The following TTLL5 variants were observed in gnomAD, a reference collection of about 807,000 sequenced individuals.
TTLL5 encodes tubulin tyrosine ligase like 5.
In TTLL5, 132 loss-of-function variants were observed where a neutral mutation model predicts 168.4. The observed-to-expected ratio is 0.78, with a 90% confidence interval of 0.68 to 0.91. The LOEUF is 0.91. Among genes scored for constraint, TTLL5 ranks in the 40% least tolerant of loss-of-function variants. TTLL5 has a pLI of 0.00. For synonymous variants in TTLL5, 546 were observed against 558.6 expected (o/e 0.98, Z 0.32); for missense variants, 1,545 against 1,581.5 (o/e 0.98, Z 0.39).
chr14:75,690,322 A>G lies in TTLL5; in HGVS notation c.502A>G (p.Asn168Asp), dbSNP rs780521114. 4 of 1,605,198 alleles carry G rather than the reference A, an allele frequency of 2.5e-6. No individual in the cohort carries two copies. Among genetic ancestry groups the G allele is most frequent in the Non-Finnish European group, 3.4e-6 (4 of 1,176,936 alleles). The change falls in exon 6 of 32, where the codon AAT (asparagine) becomes GAT (aspartate). Residue 168 changes from asparagine (N) to aspartate (D), a missense_variant and splice_region_variant. By Grantham distance (23) the Asn-to-Asp change is conservative. Transcript: ENST00000298832. ...LLPAEYAEFC[N>D]SYSKDRGPWI... ...GCCAGCTGAGTACGCGGAATTTTGT[A>G]GTAAGTGCTTGACAGAGAATGCCCC...
chr14:75,861,779 T>C (rs1220539964), intron 28 of TTLL5, among the ~76,000 whole-genome samples: 1 of 152,116 alleles, frequency 6.6e-6, no homozygotes, highest in Non-Finnish European at 1.5e-5. Flanking sequence ...TAACCAAAAG[T>C]GTTAAGGAGA....
chr14:75,707,517 T>A (rs1005224), intron 8 of TTLL5, 106 bp from the exon 9 acceptor site: 556,320 of 856,848 alleles, frequency 0.65, 185,211 homozygotes, highest in Non-Finnish European at 0.69. Context: ...TCATGTGGAG[T>A]GTAGGAATGT....
At chr14:75,811,847 C>T (rs1313425121) in intron 27 of TTLL5, among the ~76,000 whole-genome samples, 5 of 152,186 alleles carry the variant, frequency 3.3e-5, no homozygotes, top group African/African-American at 9.7e-5. Context: ...GAAGCTCCAT[C>T]ATATTTTAAT....
rs114353281 is a variant in TTLL5, at chr14:75,941,691, T to G, written c.3824-12733T>G. ...CTGTATTCTTTTTTTCTGAGACAGGTTCTTGCTGTGTTGCCCAGGCTGGTC... is the reference window on the plus strand; with the variant it reads ...CTGTATTCTTTTTTTCTGAGACAGGGTCTTGCTGTGTTGCCCAGGCTGGTC... On this transcript the variant is annotated intron_variant, in intron 31 of 31. Coordinates refer to ENST00000298832, the MANE Select transcript of TTLL5 (RefSeq NM_015072.5). 5.6e-3 allele frequency among the ~76,000 whole-genome samples: 845 copies of G among 152,146 alleles called. 14 individuals carry two copies. Among genetic ancestry groups the G allele is most frequent in the South Asian group, 0.027 (129 of 4,816 alleles).
chr14:75,851,496 G>GCTCACATCCAGTGCCTGAAC (rs1382973229), intron 28 of TTLL5, among the ~76,000 whole-genome samples: 14 of 152,304 alleles, frequency 9.2e-5, no homozygotes, highest in African/African-American at 3.1e-4. Context: ...ATTCGTCAGT[G>GCTCACATCCAGTGCCTGAAC]CTCACATCCA....
intron 28 of TTLL5, among the ~76,000 whole-genome samples, chr14:75,836,414 G>T (rs1216601346): frequency 6.7e-6 from 1 of 150,082 alleles, no homozygotes; most frequent in Admixed American, 6.7e-5. Context: ...GGGGTTAGGG[G>T]TGACAGGGGG....
chr14:75,782,488 T>A lies in TTLL5; in HGVS notation c.2517T>A (p.Asp839Glu). The A allele has an allele frequency of 6.2e-7, 1 of 1,610,718 alleles. No homozygotes were observed. The highest frequency in any genetic ancestry group is 8.5e-7 in the Non-Finnish European group (1 of 1,178,422). ...CAAGCTCATTATTTCTTATTTCAGA[T>A]CACCCTGAGACTATAATGGAAGAAG... ...NNYSDSGAKGDHPETIMEEVK... is the reference protein window; with the variant it reads ...NNYSDSGAKGEHPETIMEEVK... The change falls in exon 25 of 32, where the codon GAT (aspartate) becomes GAA (glutamate). Residue 839 changes from aspartate (D) to glutamate (E), a missense_variant and splice_region_variant. By Grantham distance (45) the Asp-to-Glu change is conservative. Transcript: ENST00000298832.
chr14:75,939,679 A>G (rs2034539274), intron 31 of TTLL5, among the ~76,000 whole-genome samples: 2 of 152,148 alleles, frequency 1.3e-5, no homozygotes, highest in South Asian at 2.1e-4. Flanking sequence ...ATGAGCCACC[A>G]TGCCCAGCTG....
intron 28 of TTLL5, among the ~76,000 whole-genome samples, chr14:75,857,996 G>A (rs1319426738): frequency 3.9e-5 from 6 of 151,974 alleles, no homozygotes; most frequent in Non-Finnish European, 7.4e-5. Flanking sequence ...TTCCTTCTAT[G>A]TAAGAAAATA....
chr14:75,793,325 G>A (rs2140352524), intron 27 of TTLL5, among the ~76,000 whole-genome samples: 1 of 152,256 alleles, frequency 6.6e-6, no homozygotes, highest in African/African-American at 2.4e-5. Flanking sequence ...TACTGGATAT[G>A]ATGTACCTAT....
intron 12 of TTLL5, among the ~76,000 whole-genome samples, chr14:75,727,126 T>C (rs994176573): frequency 5.9e-5 from 9 of 152,138 alleles, no homozygotes; most frequent in Non-Finnish European, 1.2e-4. Context: ...ATGACTAAGG[T>C]GGTAAGAGGT....
chr14:75,774,540 A>ATTT (rs1364336363), intron 21 of TTLL5, among the ~76,000 whole-genome samples: 1 of 152,000 alleles, frequency 6.6e-6, no homozygotes, highest in Non-Finnish European at 1.5e-5. Flanking sequence ...TACTCTCTTT[A>ATTT]TTGAAACTGT....
chr14:75,683,596 A>T lies in TTLL5; in HGVS notation c.311A>T (p.His104Leu), dbSNP rs1884796366. 1.9e-6 allele frequency: 3 copies of T among 1,613,988 alleles called. No individual in the cohort carries two copies. The highest frequency in any genetic ancestry group is 2.5e-6 in the Non-Finnish European group (3 of 1,179,934). Residue 104 changes from histidine to leucine, a missense_variant, in exon 5 of 32, where the codon CAC (histidine) becomes CTC (leucine). By Grantham distance (99) the His-to-Leu change is moderately conservative. Transcript: ENST00000298832. ...TDYNLMWTGS[H>L]LKPFLLRTLS... The stretch of plus-strand genomic sequence containing the variant: ...TATAACCTAATGTGGACAGGATCCC[A>T]CCTGAAGCCCTTCTTACTGCGCACC...
intron 27 of TTLL5, among the ~76,000 whole-genome samples, chr14:75,809,083 C>T (rs968468325): frequency 5.3e-5 from 8 of 151,930 alleles, no homozygotes; most frequent in Non-Finnish European, 5.9e-5. Context: ...ACAAATTTAT[C>T]CTTTTATCAG....
chr14:75,825,713 A>G (rs1473500968), intron 28 of TTLL5, among the ~76,000 whole-genome samples: 1 of 152,018 alleles, frequency 6.6e-6, no homozygotes, highest in African/African-American at 2.4e-5. Context: ...TAGAAGTGAT[A>G]TTTCACTCCT....
At chr14:75,866,174 T>C (rs941817667) in intron 29 of TTLL5, among the ~76,000 whole-genome samples, 4 of 152,242 alleles carry the variant, frequency 2.6e-5, no homozygotes, top group African/African-American at 9.6e-5. Flanking sequence ...GTACTTAGAA[T>C]CATTCCACAG....
chr14:75,697,908 T>C (rs1298887378), intron 6 of TTLL5, among the ~76,000 whole-genome samples: 1 of 152,148 alleles, frequency 6.6e-6, no homozygotes, highest in African/African-American at 2.4e-5. Flanking sequence ...AAAAAGGAAG[T>C]CTTTGTGAGA....
intron 21 of TTLL5, 109 bp downstream of exon 21, chr14:75,771,963 G>T: frequency 8.0e-7 from 1 of 1,247,372 alleles, no homozygotes; most frequent in Non-Finnish European, 1.1e-6. Flanking sequence ...TCTGGTGAAA[G>T]GATTATTATG....
chr14:75,820,126 A>G lies in TTLL5; in HGVS notation c.3291A>G (p.Gln1097=), dbSNP rs753119231. 8 of 1,600,894 alleles carry G rather than the reference A, an allele frequency of 5.0e-6. No individual in the cohort carries two copies. In the African/African-American group the frequency reaches 8.1e-5, roughly 16 times the overall value. ...GPTWSTQSDP[Q]APENHSSSPG... ...CATGGTCTACACAGTCAGACCCCCA[A>G]GCTCCCGAGAATCACTCCAGCTCTC... The change falls in exon 28 of 32, where the codon CAA becomes CAG. Residue 1097 remains glutamine, a synonymous_variant. Coordinates refer to ENST00000298832, the MANE Select transcript of TTLL5 (RefSeq NM_015072.5).
Sources: gnomAD v4.1 joint callset for allele counts (sites outside exome capture counted in the v4.1 genomes callset) on GRCh38, gnomAD v4.1.1 for gene constraint, MANE v1.5 for transcripts, NCBI Gene and HGNC (gene_info 2026-07-23, HGNC 2026-07-21) for gene names.